Variants in ARFGEF3 observed in about 807,000 individuals in gnomAD.
ARFGEF3 encodes the protein ARFGEF family member 3, also known as brefeldin A-inhibited guanine nucleotide-exchange protein 3.
In ARFGEF3, 96 loss-of-function variants were observed where a neutral mutation model predicts 221.7. That is an observed-to-expected ratio of 0.43 (90% CI 0.37 to 0.51). ARFGEF3 has a LOEUF of 0.51. ARFGEF3 is among the 20% of genes least tolerant of loss of function. The pLI is 0.00. For missense variants in ARFGEF3, 2,410 were observed against 2,789.9 expected (o/e 0.86, Z 3.07); for synonymous variants, 1,145 against 1,126.8 (o/e 1.02, Z -0.32).
At chr6:138,209,700 A>G (rs539545135) in intron 3 of ARFGEF3, among the ~76,000 whole-genome samples, 17 of 152,170 alleles carry the variant, frequency 1.1e-4, no homozygotes, top group African/African-American at 4.1e-4. Context: ...CGCCCACCTC[A>G]GCCTCCCAAA....
rs1488276027 is a variant in ARFGEF3, at chr6:138,278,441, T to G, written c.2129-10T>G. 6.2e-7 allele frequency: 1 copy of G among 1,612,620 alleles called. No individual in the cohort carries two copies. On this transcript the variant is annotated splice_polypyrimidine_tract_variant and intron_variant, in intron 12 of 33. Coordinates refer to ENST00000251691, the MANE Select transcript of ARFGEF3 (RefSeq NM_020340.5). ...CACACCCCCAAAAGTCCCTTCATTG[T>G]CTCCCTTAGGCATGATGCACTCTCC...
intron 2 of ARFGEF3, among the ~76,000 whole-genome samples, chr6:138,205,722 G>A (rs1407400891): frequency 6.6e-6 from 1 of 152,328 alleles, no homozygotes; most frequent in African/African-American, 2.4e-5. Context: ...ATGAAAAATG[G>A]CTGTAGTGTT....
At position 138,338,264 on chromosome 6, in the gene ARFGEF3, T is replaced by G. The variant is rs1780367267; in HGVS notation, c.*1778T>G. 6.6e-6 allele frequency: 1 copy of G among 152,256 alleles called. No individual in the cohort carries two copies. Among genetic ancestry groups the G allele is most frequent in the South Asian group, 2.1e-4 (1 of 4,838 alleles). The allele number at this position is 152,256 out of a possible 1,614,324, so 9.4% of individuals were successfully genotyped here. ...GTTGTATACTTTTGAATTTTTACAT[T>G]TTATAAATGGAATTGAAAGTTGGAT... On this transcript the variant is annotated 3_prime_UTR_variant, in exon 34 of 34. Coordinates refer to ENST00000251691, the MANE Select transcript of ARFGEF3 (RefSeq NM_020340.5).
rs1780420535 is a variant in ARFGEF3, at chr6:138,340,954, C to G, written c.*4468C>G. 6.6e-6 allele frequency: 1 copy of G among 151,986 alleles called. No individual in the cohort carries two copies. The highest frequency in any genetic ancestry group is 2.4e-5 in the African/African-American group (1 of 41,382). The allele number at this position is 151,986 out of a possible 1,614,324, so 9.4% of individuals were successfully genotyped here. Reference sequence around the variant, plus strand: ...GAATCATGTTTATACATAAAAAAATCACATGTAACACATTTCAAGTGTTTG... The same window carrying G: ...GAATCATGTTTATACATAAAAAAATGACATGTAACACATTTCAAGTGTTTG... On this transcript the variant is annotated 3_prime_UTR_variant, in exon 34 of 34. Coordinates refer to ENST00000251691, the MANE Select transcript of ARFGEF3 (RefSeq NM_020340.5).
chr6:138,294,091 T>A lies in ARFGEF3; in HGVS notation c.3467T>A (p.Val1156Asp). 1 of 1,613,992 alleles carries A rather than the reference T, an allele frequency of 6.2e-7. No individual in the cohort carries two copies. The highest frequency in any genetic ancestry group is 8.5e-7 in the Non-Finnish European group (1 of 1,179,870). The change falls in exon 20 of 34, where the codon GTT becomes GAT. Residue 1156 changes from valine (V) to aspartate (D), a missense_variant. Val to Asp is a radical substitution (Grantham distance 152). Around this residue, in one of 5 missense-constraint regions of ARFGEF3, gnomAD observed 723 missense variants for 991.9 expected, o/e 0.73. Transcript: ENST00000251691. ...TCGCAGTCTCAGCTTTTCCATTCTG[T>A]TACAGATACAGTTGATTACTCTCTG... is the stretch of plus-strand genomic sequence containing the variant. ...KASQSQLFHS[V>D]TDTVDYSLAM...
intron 2 of ARFGEF3, among the ~76,000 whole-genome samples, chr6:138,183,919 G>A (rs1249728022): frequency 1.3e-5 from 2 of 152,148 alleles, no homozygotes; most frequent in African/African-American, 2.4e-5. Context: ...ATGTGTCCAC[G>A]CTGGGTCTGT....
chr6:138,183,779 G>C (rs1777126118), intron 2 of ARFGEF3, among the ~76,000 whole-genome samples: 1 of 152,176 alleles, frequency 6.6e-6, no homozygotes, highest in African/African-American at 2.4e-5. Context: ...CATTTTGCCT[G>C]TCAGTTTCCG....
intron 6 of ARFGEF3, among the ~76,000 whole-genome samples, chr6:138,240,228 AAAAT>A (rs1188139048): frequency 1.3e-5 from 2 of 152,194 alleles, no homozygotes; most frequent in African/African-American, 4.8e-5. Flanking sequence ...ATAAGAGAAA[AAAAT>A]TTTAATTGAG....
intron 4 of ARFGEF3, among the ~76,000 whole-genome samples, chr6:138,225,982 G>C (rs945897821): frequency 1.3e-5 from 2 of 152,086 alleles, no homozygotes; most frequent in African/African-American, 4.8e-5. Flanking sequence ...GAATTTTAAA[G>C]GTAAAGGGCT....
At chr6:138,302,432 C>T (rs928421723) in intron 22 of ARFGEF3, among the ~76,000 whole-genome samples, 1 of 152,040 alleles carries the variant, frequency 6.6e-6, no homozygotes, top group Non-Finnish European at 1.5e-5. Flanking sequence ...CAAAAATAAA[C>T]AAAGCCTCAG....
At chr6:138,324,825 T>C (rs1253614587) in intron 31 of ARFGEF3, among the ~76,000 whole-genome samples, 2 of 152,226 alleles carry the variant, frequency 1.3e-5, no homozygotes, top group Non-Finnish European at 2.9e-5. Context: ...AAGAATATAG[T>C]AGTATCACGA....
intron 10 of ARFGEF3, among the ~76,000 whole-genome samples, chr6:138,257,179 G>A (rs1778699139): frequency 6.6e-6 from 1 of 152,138 alleles, no homozygotes. Context: ...CACTAGATGG[G>A]CAGATAAAAT....
At chr6:138,253,306 T>A (rs143597018) in intron 8 of ARFGEF3, among the ~76,000 whole-genome samples, 293 of 142,280 alleles carry the variant, frequency 2.1e-3, no homozygotes, top group African/African-American at 8.0e-3. Flanking sequence ...AAAGTAAAGT[T>A]TATTAGTTAA....
chr6:138,335,492 T>C (rs993771017), intron 33 of ARFGEF3, among the ~76,000 whole-genome samples: 16 of 149,430 alleles, frequency 1.1e-4, no homozygotes, highest in Non-Finnish European at 1.9e-4. Flanking sequence ...CTAAAGCTTA[T>C]AACATGTAAG....
rs1317024483 is a variant in ARFGEF3, at chr6:138,291,059, C to A, written c.3048-674C>A. Among the ~76,000 whole-genome samples the A allele has an allele frequency of 6.6e-6, 1 of 152,210 alleles. No homozygotes were observed. Among genetic ancestry groups the A allele is most frequent in the African/African-American group, 2.4e-5 (1 of 41,456 alleles). On this transcript the variant is annotated intron_variant, in intron 18 of 33. Transcript: ENST00000251691. The surrounding 1 kb of genome is among the most constrained non-coding windows in gnomAD (Gnocchi z 4.5). ...TGCTCTTTACCAGTAAACAGACTTA[C>A]TCCGAGATGAGGGACCTTGCGAACC...
intron 14 of ARFGEF3, among the ~76,000 whole-genome samples, chr6:138,280,698 A>G (rs1744062839): frequency 6.6e-6 from 1 of 152,208 alleles, no homozygotes. Flanking sequence ...TAAAAATACA[A>G]AAATTAGCTG....
At chr6:138,218,953 T>C (rs1215233742) in intron 4 of ARFGEF3, among the ~76,000 whole-genome samples, 1 of 152,058 alleles carries the variant, frequency 6.6e-6, no homozygotes, top group African/African-American at 2.4e-5. Flanking sequence ...GACCTTTTTT[T>C]ATTGATTTAT....
At chr6:138,198,119 T>C (rs1777465508) in intron 2 of ARFGEF3, among the ~76,000 whole-genome samples, 1 of 152,222 alleles carries the variant, frequency 6.6e-6, no homozygotes, top group Non-Finnish European at 1.5e-5. Flanking sequence ...AGGTAAAGTA[T>C]AGGCATAACC....
rs528928219 is a variant in ARFGEF3, at chr6:138,294,899, C to G, written c.3502+773C>G. 1.2e-4 allele frequency among the ~76,000 whole-genome samples: 18 copies of G among 152,320 alleles called. 1 individual carries two copies. In the South Asian group the frequency reaches 3.7e-3, roughly 32 times the overall value. ...GACTGCATAACCTCTGAGGTCCCTT[C>G]TATCCTTAGGAATCTAAAGTTCTAA... On this transcript the variant is annotated intron_variant, in intron 20 of 33. Transcript: ENST00000251691.
Sources: gnomAD v4.1 joint callset for allele counts (sites outside exome capture counted in the v4.1 genomes callset) on GRCh38, gnomAD v4.1.1 for gene constraint, gnomAD v4.1.1 regional missense constraint, Gnocchi (gnomAD v3.1) non-coding constraint, MANE v1.5 for transcripts, NCBI Gene and HGNC (gene_info 2026-07-23, HGNC 2026-07-21) for gene names.